Variants in CD247 observed in about 807,000 individuals in gnomAD.
The protein encoded by CD247 is T-cell surface glycoprotein CD3 zeta chain.
A neutral mutation model predicts 30.0 loss-of-function variants in CD247; 13 were observed. The ratio of observed to expected loss-of-function variants is 0.43; its 90% CI spans 0.28 to 0.69. CD247 has a LOEUF of 0.69. Among genes scored for constraint, CD247 ranks in the 30% least tolerant of loss-of-function variants. CD247 has a pLI of 0.16. For synonymous variants in CD247, 72 were observed against 80.0 expected (o/e 0.90, Z 0.53); for missense variants, 193 against 212.6 (o/e 0.91, Z 0.57).
intron 4 of CD247, 106 bp downstream of exon 4, chr1:167,438,464 G>A (rs1027592225): frequency 2.3e-6 from 2 of 885,256 alleles, no homozygotes; most frequent in African/African-American, 1.6e-5. Context: ...CCACACATGT[G>A]AGGGTCGAGT....
chr1:167,446,188 C>T (rs1652068490), intron 1 of CD247, among the ~76,000 whole-genome samples: 1 of 152,200 alleles, frequency 6.6e-6, no homozygotes, highest in African/African-American at 2.4e-5. Context: ...TTTCACAGCC[C>T]TTGCCATTTT....
chr1:167,479,418 T>A (rs1204629157), intron 1 of CD247, among the ~76,000 whole-genome samples: 3 of 152,210 alleles, frequency 2.0e-5, no homozygotes, highest in African/African-American at 7.2e-5. Context: ...AAGGGCCCCA[T>A]AGACCTGCTG....
intron 1 of CD247, among the ~76,000 whole-genome samples, chr1:167,511,498 A>AAATG (rs1313578281): frequency 1.3e-5 from 2 of 152,218 alleles, no homozygotes; most frequent in African/African-American, 2.4e-5. Flanking sequence ...GCTTTGGAGA[A>AAATG]AATGTAAGTT....
chr1:167,468,040 A>C (rs770699719), intron 1 of CD247, among the ~76,000 whole-genome samples: 3 of 152,218 alleles, frequency 2.0e-5, no homozygotes, highest in Non-Finnish European at 2.9e-5. Context: ...AGGCTTAGAC[A>C]GTAAAAATTA....
At chr1:167,513,016 C>A (rs1013213973) in intron 1 of CD247, among the ~76,000 whole-genome samples, 1 of 152,222 alleles carries the variant, frequency 6.6e-6, no homozygotes, top group African/African-American at 2.4e-5. Context: ...AAATGTCATT[C>A]CTGGATTTGC....
chr1:167,453,608 C>T (rs1413907240), intron 1 of CD247, among the ~76,000 whole-genome samples: 2 of 151,916 alleles, frequency 1.3e-5, no homozygotes, highest in African/African-American at 2.4e-5. Flanking sequence ...CATATATAAC[C>T]GTTAAAAAAA....
chr1:167,474,065 G>A (rs1304325570), intron 1 of CD247, among the ~76,000 whole-genome samples: 4 of 152,056 alleles, frequency 2.6e-5, no homozygotes, highest in Non-Finnish European at 4.4e-5. Flanking sequence ...AGATAAAGCC[G>A]TGTGAACCAG....
At chr1:167,488,763 A>C (rs1431748005) in intron 1 of CD247, among the ~76,000 whole-genome samples, 1 of 152,218 alleles carries the variant, frequency 6.6e-6, no homozygotes, top group Non-Finnish European at 1.5e-5. Flanking sequence ...GAGATTTTTG[A>C]AAAATATTCT....
intron 2 of CD247, chr1:167,439,751 G>A: frequency 3.1e-6 from 1 of 326,752 alleles, no homozygotes; most frequent in Non-Finnish European, 5.9e-6. Flanking sequence ...CCCTTCCTCC[G>A]GGGACTCTGA....
chr1:167,488,188 A>G (rs1654294556), intron 1 of CD247, among the ~76,000 whole-genome samples: 1 of 152,270 alleles, frequency 6.6e-6, no homozygotes, highest in Non-Finnish European at 1.5e-5. Flanking sequence ...TGTAAAGTGG[A>G]AATCAGGATA....
intron 1 of CD247, among the ~76,000 whole-genome samples, chr1:167,450,654 A>G (rs767313135): frequency 6.6e-6 from 1 of 152,302 alleles, no homozygotes; most frequent in Non-Finnish European, 1.5e-5. Context: ...GCAGTGGCTC[A>G]TGCCAATCCC....
rs183537922 is a variant in CD247 at position 167,487,887 on chromosome 1, C to T, written c.58+30521G>A. Among the ~76,000 whole-genome samples the T allele has an allele frequency of 5.9e-5, 9 of 152,316 alleles. No homozygotes were observed. In the East Asian group the frequency reaches 1.5e-3, roughly 26 times the overall value. Reference sequence around the variant, plus strand: ...CTGGGATTACAAGTATCTACCACCACATCTGACTAATTTATTTTTAGAATT... The same window carrying T: ...CTGGGATTACAAGTATCTACCACCATATCTGACTAATTTATTTTTAGAATT... On this transcript the variant is annotated intron_variant, in intron 1 of 7. Transcript: ENST00000362089.
intron 6 of CD247, among the ~76,000 whole-genome samples, chr1:167,433,286 C>T (rs919433768): frequency 2.0e-5 from 3 of 152,196 alleles, no homozygotes; most frequent in African/African-American, 7.2e-5. Flanking sequence ...TGCTCCACCC[C>T]ACTCAGATCC....
intron 1 of CD247, among the ~76,000 whole-genome samples, chr1:167,450,347 T>C (rs1449861803): frequency 2.6e-5 from 4 of 151,960 alleles, no homozygotes; most frequent in Non-Finnish European, 5.9e-5. Context: ...AATAAAAAAT[T>C]AGCTGGGCAT....
At chr1:167,502,478 A>T (rs1174721537) in intron 1 of CD247, among the ~76,000 whole-genome samples, 2 of 152,194 alleles carry the variant, frequency 1.3e-5, no homozygotes, top group African/African-American at 2.4e-5. Flanking sequence ...GGTGTCTTAC[A>T]TTGAGTTCTG....
intron 1 of CD247, among the ~76,000 whole-genome samples, chr1:167,454,605 A>G (rs74121914): frequency 0.023 from 3,554 of 152,348 alleles, 149 homozygotes; most frequent in African/African-American, 0.081. Flanking sequence ...TTTGGTGAAT[A>G]TGGTTACATT....
chr1:167,464,001 A>T (rs1263803885), intron 1 of CD247, among the ~76,000 whole-genome samples: 1 of 152,174 alleles, frequency 6.6e-6, no homozygotes, highest in Non-Finnish European at 1.5e-5. Flanking sequence ...CATCCCAGAA[A>T]TCCTGACACT....
At chr1:167,483,009 TTTC>T (rs1049283533) in intron 1 of CD247, among the ~76,000 whole-genome samples, 19 of 142,108 alleles carry the variant, frequency 1.3e-4, no homozygotes, top group African/African-American at 4.9e-4. Flanking sequence ...TCTTTCTTTC[TTTC>T]TTTTTTTTTT....
In CD247 at chr1:167,461,093, C is replaced by T. The variant is rs149178108; in HGVS notation, c.59-20326G>A. Among the ~76,000 whole-genome samples the T allele has an allele frequency of 5.1e-3, 777 of 152,348 alleles. 6 individuals carry two copies. The highest frequency in any genetic ancestry group is 0.018 in the African/African-American group (753 of 41,580). On this transcript the variant is annotated intron_variant, in intron 1 of 7. Coordinates refer to ENST00000362089, the MANE Select transcript of CD247 (RefSeq NM_198053.3). ...CTGCAGCTGCCACGCTGGGGACATG[C>T]TGGGGACGTGGGCGATCGTGGGCTG...
Sources: gnomAD v4.1 joint callset for allele counts (sites outside exome capture counted in the v4.1 genomes callset) on GRCh38, gnomAD v4.1.1 for gene constraint, MANE v1.5 for transcripts, NCBI Gene and HGNC (gene_info 2026-07-23, HGNC 2026-07-21) for gene names.